The following ZNF730 variants were observed in gnomAD, a reference collection of about 807,000 sequenced individuals.
ZNF730 encodes putative zinc finger protein 730.
Under a neutral mutation model 12.6 loss-of-function variants are expected in ZNF730, and 12 were observed. The observed-to-expected ratio is 0.95, with a 90% confidence interval of 0.61 to 1.54. The LOEUF (loss-of-function observed/expected upper bound fraction) is 1.54, where lower values mean the gene tolerates loss of function less well. ZNF730 is among the 40% of genes most tolerant of loss of function. ZNF730 has a pLI of 0.00. For synonymous variants in ZNF730, 194 were observed against 195.8 expected (o/e 0.99, Z 0.08); for missense variants, 643 against 583.5 (o/e 1.10, Z -1.05).
At chr19:23,075,799 G>A (rs1463529059) in intron 1 of ZNF730, among the ~76,000 whole-genome samples, 1 of 151,888 alleles carries the variant, frequency 6.6e-6, no homozygotes, top group Non-Finnish European at 1.5e-5. Context: ...AAGTGCAGTG[G>A]TGTGACCTCG....
chr19:23,135,730 C>T (rs1970821327), intron 2 of ZNF730, among the ~76,000 whole-genome samples: 2 of 152,104 alleles, frequency 1.3e-5, no homozygotes, highest in Non-Finnish European at 2.9e-5. Context: ...CCAGGCTGGT[C>T]TTGAACTCCT....
At position 23,127,331 on chromosome 19, in the gene ZNF730, G is replaced by C; in HGVS notation, c.4-6749G>C. 3 of 692,676 alleles carry C rather than the reference G, an allele frequency of 4.3e-6. No homozygotes were observed. The South Asian group carries it at 4.8e-5, about 11-fold the overall frequency. The allele number at this position is 692,676 out of a possible 1,614,324, so 42.9% of individuals were successfully genotyped here. On this transcript the variant is annotated intron_variant, in intron 1 of 3. Transcript: ENST00000597761. ...GAAATTTAAATATTTTCTCAAAATA[G>C]GATGTGCTGTCACATGACATAGGAA...
intron 1 of ZNF730, among the ~76,000 whole-genome samples, chr19:23,088,073 C>G (rs1970095294): frequency 6.6e-6 from 1 of 152,050 alleles, no homozygotes; most frequent in South Asian, 2.1e-4. Flanking sequence ...GGCTGGAGTG[C>G]AGTGGTGCGA....
chr19:23,103,541 T>A (rs1484945416), intron 1 of ZNF730, among the ~76,000 whole-genome samples: 1 of 152,186 alleles, frequency 6.6e-6, no homozygotes, highest in Non-Finnish European at 1.5e-5. Flanking sequence ...ACACTTAACA[T>A]GCTTCCCAAA....
At position 23,080,374 on chromosome 19, in the gene ZNF730, TA is replaced by T. The variant is rs1282767362; in HGVS notation, c.-94+4988del. Among the ~76,000 whole-genome samples, 6 of 151,896 alleles carry T rather than the reference TA, an allele frequency of 4.0e-5. No homozygotes were observed. The East Asian group carries it at 9.7e-4, about 25-fold the overall frequency. ...TGATTTAGTGTCATGTATATACTCT[TA>T]TTTTTTTTTTTTTATTTTGAGACAG... On this transcript the variant is annotated intron_variant, in intron 1 of 2. Transcript: ENST00000593635.
chr19:23,126,891 G>A, intron 1 of ZNF730: 1 of 529,944 alleles, frequency 1.9e-6, no homozygotes, highest in Admixed American at 2.2e-5. Context: ...AGCAGCTTGA[G>A]TTTCTCTTAA....
chr19:23,085,836 CTTTTTTTTT>C (rs556123915), intron 1 of ZNF730, among the ~76,000 whole-genome samples: 1,176 of 54,802 alleles, frequency 0.021, 5 homozygotes, highest in Non-Finnish European at 0.032. Context: ...ATTTTTTTTT[CTTTTTTTTT>C]TTTTTTTTTT....
In ZNF730 at chr19:23,102,662, A is replaced by G. The variant is rs193160934; in HGVS notation, c.-94+27275A>G. Among the ~76,000 whole-genome samples the G allele has an allele frequency of 5.3e-4, 80 of 151,816 alleles. 1 individual carries two copies. The highest frequency in any genetic ancestry group is 1.9e-3 in the African/African-American group (79 of 41,386). ...AGGTGCACACCACCAATCCCGGCTA[A>G]TTTTTGTATTTTCCGTAGAGACATG... On this transcript the variant is annotated intron_variant, in intron 1 of 2. Transcript: ENST00000593635.
chr19:23,145,868 A>G lies in ZNF730; in HGVS notation c.824A>G (p.Lys275Arg). ...FNQSTNLTTHKRIHTGEKPYK... is the reference protein window; with the variant it reads ...FNQSTNLTTHRRIHTGEKPYK... ...CAATCCACAAACCTTACTACACATAAAAGAATTCATACTGGAGAGAAACCC... is the reference window on the plus strand; with the variant it reads ...CAATCCACAAACCTTACTACACATAGAAGAATTCATACTGGAGAGAAACCC... The change falls in exon 4 of 4, where the codon AAA becomes AGA. Residue 275 changes from lysine to arginine, a missense_variant. Physicochemically the swap from Lys to Arg is conservative, Grantham distance 26 (BLOSUM62 2). Transcript: ENST00000597761. 1 of 1,610,000 alleles carries G rather than the reference A, an allele frequency of 6.2e-7. No homozygotes were observed. Among genetic ancestry groups the G allele is most frequent in the Non-Finnish European group, 8.5e-7 (1 of 1,179,268 alleles).
At chr19:23,125,536 T>G (rs1970652873) in intron 1 of ZNF730, 2 of 152,212 alleles carry the variant, frequency 1.3e-5, no homozygotes. Context: ...ACTGGTGTTA[T>G]TTTGCCCCTT....
At chr19:23,123,692 A>G (rs950129394) in intron 1 of ZNF730, 5 of 149,716 alleles carry the variant, frequency 3.3e-5, no homozygotes, top group African/African-American at 4.9e-5. Context: ...GTTTCAAGAA[A>G]AATTCCTTTT....
At chr19:23,140,951 C>CA (rs1257959222) in intron 3 of ZNF730, among the ~76,000 whole-genome samples, 5 of 150,112 alleles carry the variant, frequency 3.3e-5, no homozygotes, top group East Asian at 3.9e-4. Flanking sequence ...GATTCTGTCT[C>CA]AAAAAAAAAC....
intron 1 of ZNF730, among the ~76,000 whole-genome samples, chr19:23,132,759 G>T (rs1411777424): frequency 6.6e-6 from 1 of 152,120 alleles, no homozygotes; most frequent in East Asian, 1.9e-4. Context: ...TATTTAAACA[G>T]GGTGGCATTT....
chr19:23,120,946 C>T lies in ZNF730; in HGVS notation c.3+3770C>T, dbSNP rs183776994. Among the ~76,000 whole-genome samples the T allele has an allele frequency of 5.4e-3, 823 of 152,240 alleles. 5 individuals are homozygous for T. The highest frequency in any genetic ancestry group is 9.1e-3 in the South Asian group (44 of 4,822). ...AACTGCTTAATTTCTACCTTAATTTCATTATTTATTCAAAAGTCATTCACA... is the reference window on the plus strand; with the variant it reads ...AACTGCTTAATTTCTACCTTAATTTTATTATTTATTCAAAAGTCATTCACA... On this transcript the variant is annotated intron_variant, in intron 1 of 3. Coordinates refer to ENST00000597761, the MANE Select transcript of ZNF730 (RefSeq NM_001277403.2).
intron 1 of ZNF730, among the ~76,000 whole-genome samples, chr19:23,091,721 G>A (rs1230721325): frequency 6.6e-6 from 1 of 152,104 alleles, no homozygotes; most frequent in Non-Finnish European, 1.5e-5. Context: ...ATTTGGAATG[G>A]CTATATTTAC....
chr19:23,104,037 G>A (rs1463781280), intron 1 of ZNF730, among the ~76,000 whole-genome samples: 6 of 152,090 alleles, frequency 3.9e-5, no homozygotes, highest in Non-Finnish European at 8.8e-5. Context: ...AGGGCCGGGT[G>A]TGGTGGCTTA....
intron 1 of ZNF730, among the ~76,000 whole-genome samples, chr19:23,099,452 G>A (rs1970303505): frequency 6.6e-6 from 1 of 152,184 alleles, no homozygotes; most frequent in Admixed American, 6.5e-5. Context: ...AGTAGAGATT[G>A]TCATCTGCTT....
intron 1 of ZNF730, among the ~76,000 whole-genome samples, chr19:23,085,496 CTTTTTTTTTTTTTTTTTTTTTTT>C (rs58871710): frequency 3.8e-5 from 2 of 52,792 alleles, no homozygotes; most frequent in African/African-American, 6.3e-5. Flanking sequence ...CCATGCCCGT[CTTTTTTTTTTTTTTTTTTTTTTT>C]TTTTTTTTAA....
intron 1 of ZNF730, among the ~76,000 whole-genome samples, chr19:23,129,453 A>T (rs981931451): frequency 2.0e-5 from 3 of 151,962 alleles, no homozygotes; most frequent in African/African-American, 7.3e-5. Flanking sequence ...AAAGGAGATC[A>T]TTTTGGAGCT....
Sources: gnomAD v4.1 joint callset for allele counts (sites outside exome capture counted in the v4.1 genomes callset) on GRCh38, gnomAD v4.1.1 for gene constraint, MANE v1.5 for transcripts, NCBI Gene and HGNC (gene_info 2026-07-23, HGNC 2026-07-21) for gene names.